CLPX: variants seen among roughly 807,000 people sequenced by gnomAD.
The protein encoded by CLPX is caseinolytic mitochondrial matrix peptidase chaperone subunit X.
In CLPX, 34 loss-of-function variants were observed where a neutral mutation model predicts 76.4. The ratio of observed to expected loss-of-function variants is 0.45; its 90% CI spans 0.34 to 0.59. The LOEUF is 0.59. Ranked by LOEUF, CLPX falls within the 20% of genes least tolerant of loss-of-function variation. The probability of loss-of-function intolerance (pLI) is 0.01; values close to 1 mark genes in which losing one functional copy is unlikely to be tolerated. For missense variants in CLPX, 613 were observed against 757.0 expected, an observed-to-expected ratio of 0.81 and a Z score of 2.23; for synonymous variants, 248 against 270.9, an observed-to-expected ratio of 0.92 and a Z score of 0.83.
rs922887612 is a variant in CLPX at position 65,149,468 on chromosome 15, CTG to C, written c.*1353_*1354del. 2 of 343,524 alleles carry C rather than the reference CTG, an allele frequency of 5.8e-6. No homozygotes were observed. Among genetic ancestry groups the C allele is most frequent in the African/African-American group, 2.2e-5 (1 of 45,386 alleles). The allele number at this position is 343,524 out of a possible 1,614,324, so 21.3% of individuals were successfully genotyped here. On this transcript the variant is annotated 3_prime_UTR_variant, in exon 14 of 14. Transcript: ENST00000300107. ...CCAGCCTGGGTGACACAGCGAGACT[CTG>C]TCTCAAAAAAATAAAATAAAATAGA...
Position 65,153,567 on chromosome 15 carries a change from G to T in CLPX, c.1684C>A (p.Arg562=), listed in dbSNP as rs768787879. 3 of 1,596,682 alleles carry T rather than the reference G, an allele frequency of 1.9e-6. 1 individual carries two copies. In the South Asian group the frequency reaches 3.4e-5, roughly 18 times the overall value. The stretch of plus-strand genomic sequence containing the variant: ...CTCACCATTATGGACCGAAGGCCTC[G>T]TGCACCTGTTTTTCGTTCTAGTGCC... ...RLALERKTGA[R]GLRSIMEKLL... Residue 562 remains arginine, a synonymous_variant, in exon 12 of 14, where the codon CGA becomes AGA. Transcript: ENST00000300107.
At chr15:65,170,469 A>G (rs1176318508) in intron 3 of CLPX, among the ~76,000 whole-genome samples, 2 of 152,146 alleles carry the variant, frequency 1.3e-5, no homozygotes, top group African/African-American at 4.8e-5. Flanking sequence ...TTCCATATTA[A>G]AAAAACAACT....
At chr15:65,172,416 G>C (rs764912592) in intron 3 of CLPX, among the ~76,000 whole-genome samples, 1 of 152,032 alleles carries the variant, frequency 6.6e-6, no homozygotes, top group African/African-American at 2.4e-5. Context: ...CGGATCACAA[G>C]GTCAGGAGTT....
chr15:65,173,178 T>C (rs181630757), intron 3 of CLPX, among the ~76,000 whole-genome samples: 104 of 152,202 alleles, frequency 6.8e-4, no homozygotes, highest in African/African-American at 2.4e-3. Flanking sequence ...GAGATCAGCC[T>C]GACCAACATA....
chr15:65,171,008 A>G, intron 3 of CLPX, among the ~76,000 whole-genome samples: 1 of 151,544 alleles, frequency 6.6e-6, no homozygotes, highest in Non-Finnish European at 1.5e-5. Context: ...CTTTTAGTAG[A>G]GATGGGGTTT....
chr15:65,181,360 A>G (rs1407945065), intron 1 of CLPX, among the ~76,000 whole-genome samples: 1 of 152,140 alleles, frequency 6.6e-6, no homozygotes, highest in Non-Finnish European at 1.5e-5. Context: ...TCACAAGATG[A>G]TGGCAATGGT....
At chr15:65,171,832 C>T (rs1389818873) in intron 3 of CLPX, among the ~76,000 whole-genome samples, 5 of 152,200 alleles carry the variant, frequency 3.3e-5, no homozygotes, top group Admixed American at 3.3e-4. Context: ...AATCACATCC[C>T]TCTTTGCTTA....
At chr15:65,175,409 G>T (rs527788165) in intron 3 of CLPX, among the ~76,000 whole-genome samples, 111 of 152,208 alleles carry the variant, frequency 7.3e-4, no homozygotes, top group African/African-American at 2.4e-3. Flanking sequence ...CCTGAGGCTG[G>T]CACTTGAATC....
chr15:65,161,828 T>G (rs536053545), intron 6 of CLPX, among the ~76,000 whole-genome samples: 10 of 152,208 alleles, frequency 6.6e-5, no homozygotes, highest in African/African-American at 2.4e-4. Context: ...TTTCTATAAA[T>G]TTAAAAATAA....
At chr15:65,183,521 GGAAA>G (rs1283426831) in intron 1 of CLPX, among the ~76,000 whole-genome samples, 14 of 147,722 alleles carry the variant, frequency 9.5e-5, no homozygotes, top group Admixed American at 2.7e-4. Context: ...GATAGTAGAT[GGAAA>G]GAAAGACAGA....
intron 1 of CLPX, among the ~76,000 whole-genome samples, chr15:65,184,638 C>T (rs931435109): frequency 1.3e-5 from 2 of 152,260 alleles, no homozygotes; most frequent in Non-Finnish European, 2.9e-5. Context: ...AGATCCTCAG[C>T]CGAGCCCCTC....
intron 4 of CLPX, among the ~76,000 whole-genome samples, chr15:65,165,367 C>G (rs2087896978): frequency 6.9e-6 from 1 of 144,894 alleles, no homozygotes; most frequent in Admixed American, 7.2e-5. Context: ...ATTAGTTAAA[C>G]TGCCTGGATT....
At chr15:65,172,549 T>G (rs2140640085) in intron 3 of CLPX, among the ~76,000 whole-genome samples, 1 of 152,106 alleles carries the variant, frequency 6.6e-6, no homozygotes, top group African/African-American at 2.4e-5. Context: ...TGAGAACTGC[T>G]TGAATCCGAG....
chr15:65,166,714 T>C lies in CLPX; in HGVS notation c.430A>G (p.Lys144Glu), dbSNP rs1360525952. The C allele has an allele frequency of 6.2e-7, 1 of 1,614,162 alleles. No individual in the cohort carries two copies. Among genetic ancestry groups the C allele is most frequent in the Admixed American group, 1.7e-5 (1 of 60,020 alleles). ...FVVLSEADSK[K>E]SIIKEPESAA... ...GATTCAGGTTCTTTAATTATGCTTT[T>C]CTTTGAGTCTGCTTCAGATAGCACA... Residue 144 changes from lysine to glutamate, a missense_variant, in exon 4 of 14, where the codon AAA becomes GAA. Physicochemically the swap from Lys to Glu is moderately conservative, Grantham distance 56 (BLOSUM62 1). Coordinates refer to ENST00000300107, the MANE Select transcript of CLPX (RefSeq NM_006660.5).
chr15:65,154,036 T>C (rs980215662), intron 11 of CLPX, among the ~76,000 whole-genome samples: 6 of 152,144 alleles, frequency 3.9e-5, no homozygotes, highest in Admixed American at 6.6e-5. Context: ...GGGGGAGACA[T>C]CTAAATAAGA....
In CLPX at chr15:65,148,318, TTC is replaced by T. The variant is rs1045109415; in HGVS notation, c.*2503_*2504del. 5 of 152,240 alleles carry T rather than the reference TTC, an allele frequency of 3.3e-5. No homozygotes were observed. The highest frequency in any genetic ancestry group is 1.2e-4 in the African/African-American group (5 of 41,456). 9.4% of individuals were successfully genotyped at this position (152,240 alleles called of 1,614,324 possible). ...ACATCGACTATGCTTTGTTAACAACTTCCAAAGCCAAATGTAAGTTGTTGTGA... is the reference window on the plus strand; with the variant it reads ...ACATCGACTATGCTTTGTTAACAACTCAAAGCCAAATGTAAGTTGTTGTGA... On this transcript the variant is annotated 3_prime_UTR_variant, in exon 14 of 14. Transcript: ENST00000300107.
At position 65,149,519 on chromosome 15, in the gene CLPX, G is replaced by C. The variant is rs1305488697; in HGVS notation, c.*1304C>G. On this transcript the variant is annotated 3_prime_UTR_variant, in exon 14 of 14. Transcript: ENST00000300107. ...GATATATAACTTTCTGAAGATTTAA[G>C]CCAGACTTCAATTCCATGTACTCAC... 2.4e-6 allele frequency: 1 copy of C among 418,960 alleles called. No homozygotes were observed. 26.0% of individuals were successfully genotyped at this position (418,960 alleles called of 1,614,324 possible). A position where few individuals can be genotyped will look rare whatever the true frequency, so the allele number is the denominator to read the frequency against.
intron 3 of CLPX, among the ~76,000 whole-genome samples, chr15:65,177,524 G>A (rs1379096050): frequency 6.6e-6 from 1 of 152,174 alleles, no homozygotes. Context: ...AATGGTAAGT[G>A]TGAAATTGTA....
At chr15:65,172,733 A>C (rs1469417026) in intron 3 of CLPX, among the ~76,000 whole-genome samples, 1 of 152,254 alleles carries the variant, frequency 6.6e-6, no homozygotes, top group African/African-American at 2.4e-5. Flanking sequence ...ATCATTAGTC[A>C]TTAGGGAAAT....
Sources: gnomAD v4.1 joint callset for allele counts (sites outside exome capture counted in the v4.1 genomes callset) on GRCh38, gnomAD v4.1.1 for gene constraint, MANE v1.5 for transcripts, NCBI Gene and HGNC (gene_info 2026-07-23, HGNC 2026-07-21) for gene names.